The following BBX variants were observed in gnomAD, a reference collection of about 807,000 sequenced individuals.
BBX encodes the protein BBX high mobility group box domain containing.
BBX carries 30 observed loss-of-function variants against 100.2 expected under a neutral mutation model. The observed-to-expected ratio is 0.30, with a 90% confidence interval of 0.22 to 0.41. The LOEUF (loss-of-function observed/expected upper bound fraction) is 0.41. Among genes scored for constraint, BBX ranks in the 10% least tolerant of loss-of-function variants. BBX has a pLI of 1.00. For synonymous variants in BBX, 376 were observed against 388.1 expected (o/e 0.97, Z 0.37); for missense variants, 1,023 against 1,129.8 (o/e 0.91, Z 1.35).
chr3:107,632,733 T>A (rs2056621447), intron 2 of BBX, among the ~76,000 whole-genome samples: 1 of 152,218 alleles, frequency 6.6e-6, no homozygotes, highest in African/African-American at 2.4e-5. Flanking sequence ...GATATTAACC[T>A]TATGATCTTC....
intron 2 of BBX, among the ~76,000 whole-genome samples, chr3:107,536,710 C>G (rs1169292437): frequency 1.3e-5 from 2 of 152,072 alleles, no homozygotes; most frequent in East Asian, 3.9e-4. Flanking sequence ...GTAGCAGAAA[C>G]TATACCAATT....
intron 2 of BBX, among the ~76,000 whole-genome samples, chr3:107,621,071 C>G (rs1294872107): frequency 6.6e-6 from 1 of 152,068 alleles, no homozygotes; most frequent in Non-Finnish European, 1.5e-5. Flanking sequence ...TCAACCATAG[C>G]CAGCATTGGT....
intron 2 of BBX, among the ~76,000 whole-genome samples, chr3:107,538,720 A>G (rs2048674115): frequency 6.6e-6 from 1 of 152,152 alleles, no homozygotes; most frequent in Non-Finnish European, 1.5e-5. Flanking sequence ...AATGGTCTAT[A>G]AAGTATACAT....
At chr3:107,555,842 C>G (rs993475620) in intron 2 of BBX, among the ~76,000 whole-genome samples, 3 of 152,242 alleles carry the variant, frequency 2.0e-5, no homozygotes, top group Non-Finnish European at 4.4e-5. Context: ...TATGAATAGT[C>G]CTCCCCTTGG....
At chr3:107,540,552 G>A (rs1335806883) in intron 2 of BBX, among the ~76,000 whole-genome samples, 2 of 152,182 alleles carry the variant, frequency 1.3e-5, no homozygotes. Context: ...CAAAGCCAGT[G>A]ATTCTGGAAT....
intron 2 of BBX, among the ~76,000 whole-genome samples, chr3:107,560,370 G>A (rs1408758810): frequency 6.6e-6 from 1 of 152,060 alleles, no homozygotes; most frequent in Non-Finnish European, 1.5e-5. Context: ...TTACTATACT[G>A]TGGCTTAGAT....
chr3:107,605,021 A>G (rs900586570), intron 2 of BBX, among the ~76,000 whole-genome samples: 1 of 152,208 alleles, frequency 6.6e-6, no homozygotes, highest in African/African-American at 2.4e-5. Flanking sequence ...TTGACTGCGT[A>G]GCTTATTTTA....
intron 2 of BBX, among the ~76,000 whole-genome samples, chr3:107,615,028 A>G (rs894750485): frequency 4.6e-5 from 7 of 152,184 alleles, no homozygotes; most frequent in South Asian, 2.1e-4. Context: ...TTTTAAGCTA[A>G]GGAGTGAGGT....
intron 7 of BBX, among the ~76,000 whole-genome samples, chr3:107,733,589 A>G (rs1039967671): frequency 2.6e-5 from 4 of 151,810 alleles, no homozygotes; most frequent in African/African-American, 9.7e-5. Flanking sequence ...TGATTCTCTC[A>G]CCTCAGCCTT....
chr3:107,724,418 C>A (rs1372230654), intron 5 of BBX, among the ~76,000 whole-genome samples: 1 of 151,774 alleles, frequency 6.6e-6, no homozygotes, highest in Non-Finnish European at 1.5e-5. Flanking sequence ...TTAATTAGAT[C>A]CCATTTGTCA....
At chr3:107,784,359 C>T in intron 13 of BBX, among the ~76,000 whole-genome samples, 1 of 151,926 alleles carries the variant, frequency 6.6e-6, no homozygotes, top group Non-Finnish European at 1.5e-5. Context: ...AATGTATATT[C>T]TTCACAAGCA....
intron 2 of BBX, among the ~76,000 whole-genome samples, chr3:107,593,937 T>C (rs1465264442): frequency 6.6e-6 from 1 of 152,106 alleles, no homozygotes; most frequent in African/African-American, 2.4e-5. Context: ...GCCAAAGAAA[T>C]AGAATTGCAG....
intron 3 of BBX, among the ~76,000 whole-genome samples, chr3:107,695,146 GCTC>G (rs1179634931): frequency 2.4e-5 from 3 of 125,350 alleles, no homozygotes; most frequent in Non-Finnish European, 4.9e-5. Flanking sequence ...CAAAAAACCA[GCTC>G]CTGGATTCAT....
rs773211041 is a variant in BBX, at chr3:107,772,845, C to T, written c.1124C>T (p.Ala375Val). ...RDSKELRNFEALQIDDIMAIK... is the reference protein window; with the variant it reads ...RDSKELRNFEVLQIDDIMAIK... ...TCTAAGGAATTGAGAAATTTTGAGG[C>T]ATTGCAAATAGATGACATAATGGCT... The change falls in exon 11 of 18, where the codon GCA becomes GTA. Residue 375 changes from alanine to valine, a missense_variant. Physicochemically the swap from Ala to Val is moderately conservative, Grantham distance 64. Coordinates refer to ENST00000325805, the MANE Select transcript of BBX (RefSeq NM_001142568.3). 1 of 1,613,490 alleles carries T rather than the reference C, an allele frequency of 6.2e-7. No individual in the cohort carries two copies. The highest frequency in any genetic ancestry group is 1.1e-5 in the South Asian group (1 of 90,814).
intron 2 of BBX, among the ~76,000 whole-genome samples, chr3:107,560,465 A>G (rs766979617): frequency 2.6e-5 from 4 of 152,226 alleles, no homozygotes; most frequent in Admixed American, 6.5e-5. Flanking sequence ...TCTTTCTGAT[A>G]AGCTGTGATA....
intron 3 of BBX, among the ~76,000 whole-genome samples, chr3:107,658,854 G>C (rs1055340364): frequency 6.6e-5 from 10 of 152,092 alleles, no homozygotes; most frequent in African/African-American, 2.4e-4. Context: ...TTCTTGACTT[G>C]TTAAAAACAG....
chr3:107,756,735 C>T (rs891774483), intron 10 of BBX, among the ~76,000 whole-genome samples: 2 of 152,100 alleles, frequency 1.3e-5, no homozygotes, highest in African/African-American at 2.4e-5. Context: ...TACAATGACA[C>T]GCTTCTTGTG....
At chr3:107,638,787 AC>A in intron 2 of BBX, among the ~76,000 whole-genome samples, 2 of 13,222 alleles carry the variant, frequency 1.5e-4, no homozygotes, top group African/African-American at 9.0e-4. Context: ...GTATACACAC[AC>A]ACACACACAC....
chr3:107,580,080 T>C (rs1166772757), intron 2 of BBX, among the ~76,000 whole-genome samples: 1 of 152,194 alleles, frequency 6.6e-6, no homozygotes, highest in Non-Finnish European at 1.5e-5. Context: ...GCCAATAATC[T>C]TTTATGTAAA....
Sources: allele counts gnomAD v4.1 joint callset (sites outside exome capture counted in the v4.1 genomes callset), GRCh38; gene constraint gnomAD v4.1.1; transcripts MANE v1.5; gene names NCBI Gene and HGNC (gene_info 2026-07-23, HGNC 2026-07-21).